RXRG: variants seen among roughly 807,000 people sequenced by gnomAD.
The protein encoded by RXRG is retinoid X receptor gamma, also known as retinoic acid receptor RXR-gamma.
A neutral mutation model predicts 49.2 loss-of-function variants in RXRG; 19 were observed. The ratio of observed to expected loss-of-function variants is 0.39; its 90% confidence interval spans 0.27 to 0.57. The LOEUF (loss-of-function observed/expected upper bound fraction) is 0.57, where lower values mean the gene tolerates loss of function less well. Ranked by LOEUF, RXRG falls within the 20% of genes least tolerant of loss-of-function variation. The pLI is 0.64. For synonymous variants in RXRG, 224 were observed against 216.6 expected (o/e 1.03, Z -0.30); for missense variants, 452 against 592.5 (o/e 0.76, Z 2.46).
intron 3 of RXRG, among the ~76,000 whole-genome samples, chr1:165,418,283 C>T (rs998561667): frequency 2.1e-4 from 32 of 152,144 alleles, no homozygotes; most frequent in Non-Finnish European, 4.0e-4. Flanking sequence ...AGACAGGCAT[C>T]ATGAATCAAT....
chr1:165,406,429 A>G (rs1657751930), intron 9 of RXRG, among the ~76,000 whole-genome samples: 1 of 152,256 alleles, frequency 6.6e-6, no homozygotes, highest in Non-Finnish European at 1.5e-5. Context: ...TCACACGAAC[A>G]GGGTTCACAT....
intron 1 of RXRG, among the ~76,000 whole-genome samples, chr1:165,441,729 G>C (rs1467357006): frequency 6.6e-6 from 1 of 152,154 alleles, no homozygotes; most frequent in Non-Finnish European, 1.5e-5. Flanking sequence ...CAATTGGATG[G>C]GGGGGATTAC....
At position 165,401,501 on chromosome 1, in the gene RXRG, C is replaced by T. The variant is rs1023078360; in HGVS notation, c.1245-91G>A. On this transcript the variant is annotated intron_variant, in intron 9 of 9. Coordinates refer to ENST00000359842, the MANE Select transcript of RXRG (RefSeq NM_006917.5). ...CAGGAGGCCGTCCAATTGGCCTTCT[C>T]GACCCATCTGTGATAAAAGAGCTGG... 33 of 1,436,656 alleles carry T rather than the reference C, an allele frequency of 2.3e-5. No homozygotes were observed. The African/African-American group carries it at 3.5e-4, about 15-fold the overall frequency. 89.0% of individuals were successfully genotyped at this position (1,436,656 alleles called of 1,614,324 possible).
intron 9 of RXRG, among the ~76,000 whole-genome samples, chr1:165,403,682 G>A (rs560836913): frequency 5.9e-5 from 9 of 152,332 alleles, no homozygotes; most frequent in Non-Finnish European, 7.3e-5. Flanking sequence ...TGCCTCTGCC[G>A]TTAAGCTTTA....
intron 9 of RXRG, among the ~76,000 whole-genome samples, chr1:165,404,464 C>T (rs74121140): frequency 0.042 from 6,470 of 152,264 alleles, 165 homozygotes; most frequent in East Asian, 0.071. Context: ...ACCCAAATGT[C>T]AATCACAGGG....
At chr1:165,420,435 C>G (rs1485770592) in intron 2 of RXRG, among the ~76,000 whole-genome samples, 2 of 152,154 alleles carry the variant, frequency 1.3e-5, no homozygotes, top group Non-Finnish European at 2.9e-5. Flanking sequence ...GACTTACACT[C>G]TAAGAGAGCC....
chr1:165,427,948 A>G (rs1420533332), intron 2 of RXRG, among the ~76,000 whole-genome samples: 1 of 152,250 alleles, frequency 6.6e-6, no homozygotes, highest in Non-Finnish European at 1.5e-5. Flanking sequence ...AAGCAGAGCC[A>G]TCTGTCCTAG....
At chr1:165,437,297 C>A in intron 1 of RXRG, 1 of 1,164,662 alleles carries the variant, frequency 8.6e-7, no homozygotes, top group East Asian at 5.2e-5. Flanking sequence ...GAGCATGAAG[C>A]CCATTCCCTG....
chr1:165,443,166 T>C (rs868865893), intron 1 of RXRG, among the ~76,000 whole-genome samples: 3 of 152,178 alleles, frequency 2.0e-5, no homozygotes, highest in Admixed American at 6.5e-5. Flanking sequence ...CTCTGGCTCT[T>C]ACTTTAGTTC....
At chr1:165,414,362 T>A (rs999506468) in intron 4 of RXRG, among the ~76,000 whole-genome samples, 1 of 152,228 alleles carries the variant, frequency 6.6e-6, no homozygotes, top group Non-Finnish European at 1.5e-5. Context: ...CCTGTTTTCC[T>A]TCCTTTTTTA....
intron 2 of RXRG, among the ~76,000 whole-genome samples, chr1:165,428,236 G>A (rs1658554614): frequency 6.6e-6 from 1 of 152,302 alleles, no homozygotes; most frequent in Non-Finnish European, 1.5e-5. Context: ...AGACAGCATA[G>A]CATGTAATGC....
At chr1:165,416,145 A>G (rs1658120032) in intron 4 of RXRG, among the ~76,000 whole-genome samples, 1 of 152,098 alleles carries the variant, frequency 6.6e-6, no homozygotes, top group African/African-American at 2.4e-5. Context: ...GTTCCTCAAG[A>G]ATGAGGAGCG....
Position 165,417,235 on chromosome 1 carries a change from A to G in RXRG, c.443-15T>C, listed in dbSNP as rs1315937679. On this transcript the variant is annotated splice_polypyrimidine_tract_variant and intron_variant, in intron 3 of 9. Coordinates refer to ENST00000359842, the MANE Select transcript of RXRG (RefSeq NM_006917.5). ...GTAGTGCTTTCCTGGTTAGAAGAAA[A>G]GAACATTCCATAGATTGTTCTTGTG... 1 of 1,591,128 alleles carries G rather than the reference A, an allele frequency of 6.3e-7. No individual in the cohort carries two copies. The highest frequency in any genetic ancestry group is 1.7e-5 in the Admixed American group (1 of 57,426).
intron 3 of RXRG, among the ~76,000 whole-genome samples, chr1:165,418,367 C>T (rs1658202061): frequency 6.6e-6 from 1 of 152,058 alleles, no homozygotes; most frequent in Non-Finnish European, 1.5e-5. Context: ...TGCAGAACTT[C>T]AAAAATATAA....
chr1:165,410,599 TACATAGCTTGG>T (rs1381378979), intron 6 of RXRG, 92 bp downstream of exon 6: 16 of 1,307,046 alleles, frequency 1.2e-5, no homozygotes, highest in Non-Finnish European at 1.6e-5. Flanking sequence ...ATCAGCATGG[TACATAGCTTGG>T]ACATGTTGCA....
intron 1 of RXRG, among the ~76,000 whole-genome samples, chr1:165,444,541 A>G (rs2101753952): frequency 6.6e-6 from 1 of 152,204 alleles, no homozygotes; most frequent in South Asian, 2.1e-4. Context: ...GGTTATAACA[A>G]TGCTCTTATT....
intron 2 of RXRG, among the ~76,000 whole-genome samples, chr1:165,420,897 G>T (rs1330446261): frequency 5.3e-5 from 8 of 152,218 alleles, no homozygotes; most frequent in Admixed American, 5.2e-4. Flanking sequence ...AAGTTCAAAC[G>T]AAGGTGGTGC....
At chr1:165,413,415 T>C (rs1658016306) in intron 4 of RXRG, among the ~76,000 whole-genome samples, 1 of 152,178 alleles carries the variant, frequency 6.6e-6, no homozygotes, top group African/African-American at 2.4e-5. Context: ...TTTCATTTAA[T>C]CCTCACAATA....
chr1:165,401,086 C>T lies in RXRG; in HGVS notation c.*177G>A. 2 of 601,822 alleles carry T rather than the reference C, an allele frequency of 3.3e-6. No homozygotes were observed. The highest frequency in any genetic ancestry group is 5.6e-5 in the East Asian group (2 of 35,456). 37.3% of individuals were successfully genotyped at this position (601,822 alleles called of 1,614,324 possible). A position where few individuals can be genotyped will look rare whatever the true frequency, so the allele number is the denominator to read the frequency against. ...CAGCAAAGCGTATTACCTTTAACATCTATACAAAAGTCCACCTATAAAAGT... is the reference window on the plus strand; with the variant it reads ...CAGCAAAGCGTATTACCTTTAACATTTATACAAAAGTCCACCTATAAAAGT... On this transcript the variant is annotated 3_prime_UTR_variant, in exon 10 of 10. Transcript: ENST00000359842.
Sources: gnomAD v4.1 joint callset for allele counts (sites outside exome capture counted in the v4.1 genomes callset) on GRCh38, gnomAD v4.1.1 for gene constraint, MANE v1.5 for transcripts, NCBI Gene and HGNC (gene_info 2026-07-23, HGNC 2026-07-21) for gene names.